Variants in DACH2 observed in about 807,000 individuals in gnomAD.
DACH2 encodes the protein dachshund family transcription factor 2, also known as dachshund homolog 2.
DACH2 carries 17 observed loss-of-function variants against 35.8 expected under a neutral mutation model. The ratio of observed to expected loss-of-function variants is 0.48; its 90% CI spans 0.33 to 0.71. The LOEUF is 0.71. DACH2 is among the 30% of genes least tolerant of loss of function. DACH2 has a pLI of 0.02. For missense variants in DACH2, 469 were observed against 472.7 expected (o/e 0.99, Z 0.07); for synonymous variants, 195 against 177.3 (o/e 1.10, Z -0.79).
At chrX:86,809,867 T>C (rs1239609083) in intron 7 of DACH2, among the ~76,000 whole-genome samples, 1 of 111,299 alleles carries the variant, frequency 9.0e-6, no homozygotes, top group African/African-American at 3.3e-5. Flanking sequence ...TATTTGTCTT[T>C]TGATAGAAGC....
chrX:86,221,313 G>A (rs1317104762), intron 1 of DACH2, among the ~76,000 whole-genome samples: 1 of 111,785 alleles, frequency 8.9e-6, no homozygotes, highest in African/African-American at 3.3e-5. Context: ...TTGTTGAAGA[G>A]ACTATCTTTT....
At chrX:86,678,588 G>C (rs1304439595) in intron 4 of DACH2, among the ~76,000 whole-genome samples, 3 of 111,788 alleles carry the variant, frequency 2.7e-5, no homozygotes, top group Non-Finnish European at 5.6e-5. Context: ...TTGGTACTTT[G>C]CAGAAATAAT....
chrX:86,253,217 C>T (rs941737667), intron 1 of DACH2, among the ~76,000 whole-genome samples: 1 of 110,702 alleles, frequency 9.0e-6, no homozygotes. Context: ...TATACCTAAC[C>T]AAGGAGGGGA....
chrX:86,517,475 G>A (rs1199090313), intron 3 of DACH2, among the ~76,000 whole-genome samples: 1 of 104,205 alleles, frequency 9.6e-6, no homozygotes, highest in Non-Finnish European at 2.0e-5. Context: ...GGAGTGCAGT[G>A]GTGCAATCTC....
chrX:86,231,941 G>A (rs879062378), intron 1 of DACH2, among the ~76,000 whole-genome samples: 3 of 111,093 alleles, frequency 2.7e-5, no homozygotes, highest in Admixed American at 9.6e-5. Flanking sequence ...CCTGTATTTC[G>A]CTCAGCTTGG....
chrX:86,223,174 G>A (rs1428003520), intron 1 of DACH2, among the ~76,000 whole-genome samples: 2 of 111,723 alleles, frequency 1.8e-5, no homozygotes, highest in Admixed American at 1.9e-4. Context: ...TAAACAGTAA[G>A]AGCTCATTAA....
At chrX:86,396,616 GT>G (rs1390792408) in intron 2 of DACH2, among the ~76,000 whole-genome samples, 2 of 109,107 alleles carry the variant, frequency 1.8e-5, no homozygotes, top group Admixed American at 9.8e-5. Flanking sequence ...TGGCTAGCCA[GT>G]TTTCCCAGCA....
intron 7 of DACH2, among the ~76,000 whole-genome samples, chrX:86,773,033 G>A (rs1390585058): frequency 1.8e-5 from 2 of 111,541 alleles, no homozygotes; most frequent in African/African-American, 6.5e-5. Context: ...ATCTGACTGA[G>A]GAAACTAAAA....
chrX:86,249,911 T>C (rs975039147), intron 1 of DACH2, among the ~76,000 whole-genome samples: 3 of 111,376 alleles, frequency 2.7e-5, no homozygotes, highest in Non-Finnish European at 5.7e-5. Flanking sequence ...GCAACTTGGA[T>C]GGAGCTGGAG....
chrX:86,740,086 G>A (rs909824242), intron 7 of DACH2, among the ~76,000 whole-genome samples: 1 of 111,520 alleles, frequency 9.0e-6, no homozygotes, highest in Non-Finnish European at 1.9e-5. Context: ...TCTCTGGAAA[G>A]ATCTTCCTTT....
At chrX:86,418,382 C>A (rs1028190694) in intron 2 of DACH2, among the ~76,000 whole-genome samples, 5 of 112,356 alleles carry the variant, frequency 4.5e-5, no homozygotes, top group African/African-American at 1.6e-4. Context: ...CCTTTCCCTG[C>A]AGCAAACTTC....
At chrX:86,362,258 G>C (rs1223814915) in intron 1 of DACH2, among the ~76,000 whole-genome samples, 1 of 111,037 alleles carries the variant, frequency 9.0e-6, no homozygotes, top group South Asian at 3.7e-4. Flanking sequence ...TTTAGTCCAG[G>C]ATTTTAGTTC....
intron 7 of DACH2, among the ~76,000 whole-genome samples, chrX:86,796,016 G>C (rs911801305): frequency 8.9e-6 from 1 of 111,957 alleles, no homozygotes; most frequent in Non-Finnish European, 1.9e-5. Context: ...CCACAGCGTG[G>C]AGGGGGACCT....
At chrX:86,151,370 T>C (rs977339416) in intron 1 of DACH2, among the ~76,000 whole-genome samples, 1 of 111,909 alleles carries the variant, frequency 8.9e-6, no homozygotes, top group Admixed American at 9.5e-5. Context: ...GTGGCTTCTA[T>C]TGCATTTTCT....
chrX:86,329,302 C>G (rs992231698), intron 1 of DACH2, among the ~76,000 whole-genome samples: 1 of 111,559 alleles, frequency 9.0e-6, no homozygotes, highest in East Asian at 2.8e-4. Context: ...CTATATACAG[C>G]TGAATAGGCT....
intron 1 of DACH2, among the ~76,000 whole-genome samples, chrX:86,273,669 GGATAT>G (rs1260680284): frequency 4.5e-5 from 5 of 112,049 alleles, no homozygotes; most frequent in African/African-American, 1.6e-4. Context: ...AGTCAATATG[GGATAT>G]GATGATTTTT....
chrX:86,665,785 A>C (rs868310020), intron 4 of DACH2, among the ~76,000 whole-genome samples: 3 of 105,412 alleles, frequency 2.8e-5, no homozygotes, highest in East Asian at 3.0e-4. Context: ...AAAAAAAAAA[A>C]CCTACAAATC....
Position 86,812,930 on chromosome X carries a change from C to A in DACH2, c.1315C>A (p.Pro439Thr). The change falls in exon 8 of 12, where the codon CCC (proline) becomes ACC (threonine). Residue 439 changes from proline (P) to threonine (T), a missense_variant. Coordinates refer to ENST00000373125, the MANE Select transcript of DACH2 (RefSeq NM_053281.3). ...ACAGCTGACTCCTGGGCAGGCATTG[C>A]CCGCTGGATTCCCTGGACCATTCAT... ...KIQLTPGQAL[P>T]AGFPGPFIFA... 1 of 1,208,097 alleles carries A rather than the reference C, an allele frequency of 8.3e-7. No homozygotes were observed.
Position 86,788,476 on chromosome X carries a change from T to C in DACH2, c.1241-24380T>C, listed in dbSNP as rs1328139252. Reference sequence around the variant, plus strand: ...CTACTCTAATTTGAGACCCCATGTATGCAATTGAATTTTCTTCTACATGTT... The same window carrying C: ...CTACTCTAATTTGAGACCCCATGTACGCAATTGAATTTTCTTCTACATGTT... On this transcript the variant is annotated intron_variant, in intron 7 of 11. Coordinates refer to ENST00000373125, the MANE Select transcript of DACH2 (RefSeq NM_053281.3). Among the ~76,000 whole-genome samples the C allele has an allele frequency of 2.7e-5, 3 of 111,976 alleles. No individual in the cohort carries two copies. In the Admixed American group the frequency reaches 2.8e-4, roughly 11 times the overall value.
Sources: gnomAD v4.1 joint callset for allele counts (sites outside exome capture counted in the v4.1 genomes callset) on GRCh38, gnomAD v4.1.1 for gene constraint, MANE v1.5 for transcripts, NCBI Gene and HGNC (gene_info 2026-07-23, HGNC 2026-07-21) for gene names.